Variants in TRHDE observed in about 807,000 individuals in gnomAD.
TRHDE encodes thyrotropin-releasing hormone-degrading ectoenzyme.
In TRHDE, 72 loss-of-function variants were observed where a neutral mutation model predicts 125.7. That is an observed-to-expected ratio of 0.57 (90% CI 0.47 to 0.70). The LOEUF is 0.70. Among genes scored for constraint, TRHDE ranks in the 30% least tolerant of loss-of-function variants. TRHDE has a pLI of 0.00. For synonymous variants in TRHDE, 509 were observed against 509.1 expected (o/e 1.00, Z 0.00); for missense variants, 1,110 against 1,327.1 (o/e 0.84, Z 2.54).
In TRHDE at chr12:72,469,783, G is replaced by A. The variant is rs149072587; in HGVS notation, c.1341G>A (p.Pro447=). ...ATCTTTTAGCTGTGCCTAAGCATCC[G>A]TATGCTGCTATGGAGAACTGGGGAC... ...KLDLLAVPKH[P]YAAMENWGLS... The change falls in exon 4 of 19, where the codon CCG becomes CCA. Residue 447 remains proline (P), a synonymous_variant. Coordinates refer to ENST00000261180, the MANE Select transcript of TRHDE (RefSeq NM_013381.3). 7.9e-4 allele frequency: 1,277 copies of A among 1,613,852 alleles called. 2 individuals are homozygous for A. Among genetic ancestry groups the A allele is most frequent in the Non-Finnish European group, 1.0e-3 (1,197 of 1,179,928 alleles).
chr12:72,581,930 A>G (rs141353064), intron 12 of TRHDE, among the ~76,000 whole-genome samples: 9,183 of 151,632 alleles, frequency 0.061, 384 homozygotes, highest in Admixed American at 0.13. Flanking sequence ...GTGAAACCCC[A>G]TCTCTACTAA....
At chr12:72,473,500 A>G (rs947523264) in intron 5 of TRHDE, among the ~76,000 whole-genome samples, 1 of 152,144 alleles carries the variant, frequency 6.6e-6, no homozygotes, top group Admixed American at 6.6e-5. Context: ...ATAATATTTT[A>G]AATATACAGA....
chr12:72,173,844 T>C (rs1223341197), intron 2 of TRHDE, among the ~76,000 whole-genome samples: 2 of 152,162 alleles, frequency 1.3e-5, no homozygotes, highest in African/African-American at 2.4e-5. Context: ...AGACATTACA[T>C]ACCTTTATCC....
intron 7 of TRHDE, among the ~76,000 whole-genome samples, chr12:72,555,087 A>G (rs917794625): frequency 6.6e-6 from 1 of 152,226 alleles, no homozygotes; most frequent in Admixed American, 6.5e-5. Flanking sequence ...GTTCTACTAC[A>G]TTTAGCAGCC....
chr12:72,503,834 C>T (rs1878251921), intron 6 of TRHDE, among the ~76,000 whole-genome samples: 1 of 152,028 alleles, frequency 6.6e-6, no homozygotes, highest in South Asian at 2.1e-4. Flanking sequence ...TATCTGTTTC[C>T]CCAAAGGGCT....
intron 7 of TRHDE, among the ~76,000 whole-genome samples, chr12:72,547,679 C>T (rs964169941): frequency 2.0e-5 from 3 of 151,660 alleles, no homozygotes; most frequent in Admixed American, 6.6e-5. Context: ...GATTTAAGAC[C>T]ACCTCTATAC....
chr12:72,438,701 C>A (rs1194109972), intron 3 of TRHDE, among the ~76,000 whole-genome samples: 1 of 151,748 alleles, frequency 6.6e-6, no homozygotes, highest in African/African-American at 2.4e-5. Flanking sequence ...GTAGAGTTTG[C>A]AAATATTTTT....
At chr12:72,235,647 G>T (rs1878325471) in intron 2 of TRHDE, among the ~76,000 whole-genome samples, 1 of 152,212 alleles carries the variant, frequency 6.6e-6, no homozygotes, top group Non-Finnish European at 1.5e-5. Context: ...TAGTGGTTCA[G>T]ATGGCTTTCA....
intron 12 of TRHDE, among the ~76,000 whole-genome samples, chr12:72,614,663 G>A (rs1374451003): frequency 6.6e-6 from 1 of 152,008 alleles, no homozygotes; most frequent in East Asian, 1.9e-4. Flanking sequence ...AGTAGAGTAT[G>A]ATGCTCCAAA....
chr12:72,325,807 G>A (rs1869314195), intron 2 of TRHDE, among the ~76,000 whole-genome samples: 1 of 152,086 alleles, frequency 6.6e-6, no homozygotes, highest in Non-Finnish European at 1.5e-5. Context: ...TTAATATTAG[G>A]TTTGGGGTTT....
chr12:72,587,829 T>G (rs532826777), intron 12 of TRHDE, among the ~76,000 whole-genome samples: 3 of 152,150 alleles, frequency 2.0e-5, no homozygotes, highest in Non-Finnish European at 4.4e-5. Flanking sequence ...GTAAACTAAA[T>G]GTAAGGCAGA....
intron 5 of TRHDE, among the ~76,000 whole-genome samples, chr12:72,484,719 CTA>C (rs1329602645): frequency 6.6e-6 from 1 of 152,112 alleles, no homozygotes. Context: ...ATGTATGAAA[CTA>C]TGTTGGATAA....
At chr12:72,442,638 A>G (rs1461394953) in intron 3 of TRHDE, among the ~76,000 whole-genome samples, 1 of 151,566 alleles carries the variant, frequency 6.6e-6, no homozygotes, top group South Asian at 2.1e-4. Flanking sequence ...TTCATGGATT[A>G]TGAGTTATAT....
At chr12:72,427,116 T>C (rs1874222425) in intron 3 of TRHDE, among the ~76,000 whole-genome samples, 1 of 152,108 alleles carries the variant, frequency 6.6e-6, no homozygotes, top group South Asian at 2.1e-4. Context: ...GTGGCAACTA[T>C]GCTGTTGTAG....
At position 72,670,150 on chromosome 12, in the gene TRHDE, T is replaced by C. The variant is rs547631904; in HGVS notation, c.*6955T>C. On this transcript the variant is annotated 3_prime_UTR_variant, in exon 19 of 19. Coordinates refer to ENST00000261180, the MANE Select transcript of TRHDE (RefSeq NM_013381.3). ...GAACAGGCTTATTTAAAATATGTCA[T>C]ATAAAAGCACTTTTCCTTTCTAACA... 1.1e-4 allele frequency: 16 copies of C among 151,940 alleles called. No individual in the cohort carries two copies. Among genetic ancestry groups the C allele is most frequent in the African/African-American group, 3.6e-4 (15 of 41,554 alleles). The allele number at this position is 151,940 out of a possible 1,614,324, so 9.4% of individuals were successfully genotyped here.
At chr12:72,164,112 AAAAC>A (rs1876692406) in intron 2 of TRHDE, among the ~76,000 whole-genome samples, 1 of 151,002 alleles carries the variant, frequency 6.6e-6, no homozygotes, top group African/African-American at 2.5e-5. Flanking sequence ...CTCTGTCTCA[AAAAC>A]AAACAAACAA....
At chr12:72,274,411 C>G (rs993089831) in intron 1 of TRHDE, 1 of 152,208 alleles carries the variant, frequency 6.6e-6, no homozygotes, top group African/African-American at 2.4e-5. Flanking sequence ...GGCCGTGGAG[C>G]TTTTCACCAC....
At chr12:72,440,981 A>G (rs2072204542) in intron 3 of TRHDE, among the ~76,000 whole-genome samples, 1 of 151,914 alleles carries the variant, frequency 6.6e-6, no homozygotes, top group African/African-American at 2.4e-5. Context: ...ACACTTGGCA[A>G]TTTTTTGGAG....
chr12:72,505,161 T>C (rs573894656), intron 6 of TRHDE, among the ~76,000 whole-genome samples: 3 of 152,256 alleles, frequency 2.0e-5, no homozygotes, highest in African/African-American at 7.2e-5. Context: ...TAATGTTCAA[T>C]ATGGATAGTC....
Sources: gnomAD v4.1 joint callset for allele counts (sites outside exome capture counted in the v4.1 genomes callset) on GRCh38, gnomAD v4.1.1 for gene constraint, MANE v1.5 for transcripts, NCBI Gene and HGNC (gene_info 2026-07-23, HGNC 2026-07-21) for gene names.